The following RFX8 variants were observed in gnomAD, a reference collection of about 807,000 sequenced individuals.
RFX8 encodes regulatory factor X8, also known as DNA-binding protein RFX8.
In RFX8, 46 loss-of-function variants were observed where a neutral mutation model predicts 54.6. That is an observed-to-expected ratio of 0.84 (90% CI 0.67 to 1.08). The LOEUF (loss-of-function observed/expected upper bound fraction) is 1.08, where lower values mean the gene tolerates loss of function less well. RFX8 is among the 50% of genes least tolerant of loss of function. The probability of loss-of-function intolerance (pLI) is 0.00; values close to 1 mark genes in which losing one functional copy is unlikely to be tolerated. For synonymous variants in RFX8, 192 were observed against 209.5 expected (o/e 0.92, Z 0.72); for missense variants, 536 against 562.3 (o/e 0.95, Z 0.47).
chr2:101,414,851 T>A lies in RFX8; in HGVS notation c.561+3A>T, dbSNP rs774064318. On this transcript the variant is annotated splice_donor_region_variant and intron_variant, in intron 7 of 11. Coordinates refer to ENST00000428343, the MANE Select transcript of RFX8 (RefSeq NM_001145664.2). ...CCCTCCTATCTGCTTGGCTGAAGCC[T>A]ACCTTAGCCATGTTGGAAAGGTACG... 5.2e-6 allele frequency: 8 copies of A among 1,548,360 alleles called. No individual in the cohort carries two copies. The highest frequency in any genetic ancestry group is 7.0e-6 in the Non-Finnish European group (8 of 1,144,540).
In RFX8 at chr2:101,422,444, T is replaced by A. The variant is rs1416907966; in HGVS notation, c.101A>T (p.Asp34Val). 6.5e-7 allele frequency: 1 copy of A among 1,549,032 alleles called. No homozygotes were observed. Among genetic ancestry groups the A allele is most frequent in the East Asian group, 2.4e-5 (1 of 40,924 alleles). ...KCEDHSPMKT[D>V]PVGSPLSEFR... Reference sequence around the variant, plus strand: ...TTCAGACAAAGGGGATCCAACTGGGTCTGTCTTCATCGGTGAATGATCTTC... The same window carrying A: ...TTCAGACAAAGGGGATCCAACTGGGACTGTCTTCATCGGTGAATGATCTTC... Residue 34 changes from aspartate (D) to valine (V), a missense_variant, in exon 3 of 12, where the codon GAC becomes GTC. Physicochemically the swap from Asp to Val is radical, Grantham distance 152. Transcript: ENST00000428343.
At position 101,424,187 on chromosome 2, in the gene RFX8, C is replaced by T. The variant is rs1687036370; in HGVS notation, c.73-1715G>A. On this transcript the variant is annotated intron_variant, in intron 2 of 11. Coordinates refer to ENST00000428343, the MANE Select transcript of RFX8 (RefSeq NM_001145664.2). ...CTGTCTAAACCTCATTCACACCACA[C>T]TTTACAATATTGGCTTTATTCAGAG... Among the ~76,000 whole-genome samples, 2 of 152,200 alleles carry T rather than the reference C, an allele frequency of 1.3e-5. 1 individual carries two copies. Among genetic ancestry groups the T allele is most frequent in the South Asian group, 4.1e-4 (2 of 4,830 alleles).
chr2:101,457,977 C>T (rs970263943), intron 2 of RFX8, among the ~76,000 whole-genome samples: 1 of 152,180 alleles, frequency 6.6e-6, no homozygotes, highest in Non-Finnish European at 1.5e-5. Flanking sequence ...CCTTCTTTGT[C>T]TCTTTTGATC....
At chr2:101,434,801 C>T (rs1206941680) in intron 2 of RFX8, 2 of 152,170 alleles carry the variant, frequency 1.3e-5, no homozygotes, top group African/African-American at 4.8e-5. Context: ...GTGGACAAGG[C>T]CAAAAAGCGG....
At chr2:101,406,109 G>T in intron 9 of RFX8, 52 bp from the exon 10 acceptor site, 2 of 1,052,812 alleles carry the variant, frequency 1.9e-6, no homozygotes, top group Non-Finnish European at 2.8e-6. Flanking sequence ...AAATCAAGAA[G>T]CATAGTATGT....
At chr2:101,410,755 C>A in intron 8 of RFX8, 42 bp from the exon 9 acceptor site, 1 of 1,035,872 alleles carries the variant, frequency 9.7e-7, no homozygotes. Context: ...TTGCATGCAG[C>A]AGAGCAGAAT....
At chr2:101,468,504 G>T (rs1030156816) in intron 1 of RFX8, among the ~76,000 whole-genome samples, 1 of 152,022 alleles carries the variant, frequency 6.6e-6, no homozygotes, top group African/African-American at 2.4e-5. Flanking sequence ...TGGCCAGGCT[G>T]GTCTTGAACT....
chr2:101,464,987 C>G (rs1160913801), intron 2 of RFX8, among the ~76,000 whole-genome samples: 1 of 152,158 alleles, frequency 6.6e-6, no homozygotes, highest in East Asian at 1.9e-4. Context: ...ACCCAGCACT[C>G]AGCTCAGCCT....
chr2:101,402,755 A>G lies in RFX8; in HGVS notation c.929-3T>C. Reference sequence around the variant, plus strand: ...CAAGTGAAACAGATGCCAGGAGCCTACATTTAGATAATAACCAAAAATGAA... The same window carrying G: ...CAAGTGAAACAGATGCCAGGAGCCTGCATTTAGATAATAACCAAAAATGAA... On this transcript the variant is annotated splice_region_variant and splice_polypyrimidine_tract_variant and intron_variant, in intron 10 of 11. Coordinates refer to ENST00000428343, the MANE Select transcript of RFX8 (RefSeq NM_001145664.2). 1 of 1,538,624 alleles carries G rather than the reference A, an allele frequency of 6.5e-7. No homozygotes were observed. The highest frequency in any genetic ancestry group is 2.5e-5 in the East Asian group (1 of 40,664).
At chr2:101,469,058 A>ATATATATGTATATATATATACGTG (rs1689776541) in intron 1 of RFX8, among the ~76,000 whole-genome samples, 1 of 14,860 alleles carries the variant, frequency 6.7e-5, no homozygotes. Context: ...ATATATACGT[A>ATATATATGTATATATATATACGTG]TATATATGTA....
At chr2:101,415,132 C>T (rs1686416736) in intron 6 of RFX8, among the ~76,000 whole-genome samples, 1 of 152,070 alleles carries the variant, frequency 6.6e-6, no homozygotes, top group Non-Finnish European at 1.5e-5. Context: ...TAAGTAACCC[C>T]AGCATCTGAC....
intron 11 of RFX8, among the ~76,000 whole-genome samples, chr2:101,400,111 G>A (rs1685345998): frequency 6.6e-6 from 1 of 152,170 alleles, no homozygotes; most frequent in African/African-American, 2.4e-5. Flanking sequence ...CTCAGCTCCG[G>A]GAGACTGTCA....
At chr2:101,405,322 T>A (rs2104524197) in intron 10 of RFX8, among the ~76,000 whole-genome samples, 1 of 152,166 alleles carries the variant, frequency 6.6e-6, no homozygotes, top group South Asian at 2.1e-4. Flanking sequence ...AATTTTTGTA[T>A]TTTTAGTAGA....
intron 2 of RFX8, among the ~76,000 whole-genome samples, chr2:101,447,575 G>A (rs1558877194): frequency 6.6e-6 from 1 of 152,112 alleles, no homozygotes; most frequent in South Asian, 2.1e-4. Context: ...TAGCATATCC[G>A]TTACCTTAAA....
At chr2:101,468,802 T>C (rs898500057) in intron 1 of RFX8, among the ~76,000 whole-genome samples, 1 of 151,356 alleles carries the variant, frequency 6.6e-6, no homozygotes, top group Non-Finnish European at 1.5e-5. Flanking sequence ...TCTGGGATGC[T>C]TCCCAAAATC....
At chr2:101,459,384 C>T (rs1689148080) in intron 2 of RFX8, among the ~76,000 whole-genome samples, 1 of 152,158 alleles carries the variant, frequency 6.6e-6, no homozygotes, top group Admixed American at 6.5e-5. Flanking sequence ...TGGTGACCTA[C>T]AGATGGGGTT....
At chr2:101,445,242 T>A (rs1024221462) in intron 2 of RFX8, among the ~76,000 whole-genome samples, 3 of 152,160 alleles carry the variant, frequency 2.0e-5, no homozygotes, top group African/African-American at 7.2e-5. Context: ...AACTAATCTC[T>A]GCCTCAGGCC....
rs1053557303 is a variant in RFX8, at chr2:101,417,434, G to T, written c.502+100C>A. On this transcript the variant is annotated intron_variant, in intron 6 of 11. Transcript: ENST00000428343. ...TTGCCCGGGCTGGTCTCAAACTCCT[G>T]GCCTCAAGCGATCCTCCTGCCTCGG... 8.1e-6 allele frequency: 9 copies of T among 1,114,960 alleles called. No individual in the cohort carries two copies. The East Asian group carries it at 2.1e-4, about 26-fold the overall frequency. The allele number at this position is 1,114,960 out of a possible 1,614,324, so 69.1% of individuals were successfully genotyped here.
chr2:101,398,536 CAAAT>C (rs1245527380), intron 11 of RFX8, among the ~76,000 whole-genome samples: 1 of 151,990 alleles, frequency 6.6e-6, no homozygotes, highest in African/African-American at 2.4e-5. Context: ...CCCCATCCGT[CAAAT>C]AAACCACTAA....
Sources: allele counts gnomAD v4.1 joint callset (sites outside exome capture counted in the v4.1 genomes callset), GRCh38; gene constraint gnomAD v4.1.1; transcripts MANE v1.5; gene names NCBI Gene and HGNC (gene_info 2026-07-23, HGNC 2026-07-21).